GPR180: variants seen among roughly 807,000 people sequenced by gnomAD.
GPR180 encodes integral membrane protein GPR180.
A neutral mutation model predicts 52.6 loss-of-function variants in GPR180; 53 were observed. The observed-to-expected ratio is 1.01, with a 90% confidence interval of 0.81 to 1.27. The LOEUF (loss-of-function observed/expected upper bound fraction) is 1.27. Ranked by LOEUF, GPR180 falls within the 50% of genes most tolerant of loss-of-function variation. The pLI is 0.00. For synonymous variants in GPR180, 200 were observed against 193.1 expected, an observed-to-expected ratio of 1.04 and a Z score of -0.30; for missense variants, 533 against 527.0, an observed-to-expected ratio of 1.01 and a Z score of -0.11.
chr13:94,625,407 A>T (rs1314418614), intron 7 of GPR180, among the ~76,000 whole-genome samples: 2 of 152,126 alleles, frequency 1.3e-5, no homozygotes, highest in Non-Finnish European at 2.9e-5. Flanking sequence ...ACAGCTATTT[A>T]TTAACTTATT....
intron 6 of GPR180, among the ~76,000 whole-genome samples, chr13:94,622,673 A>G (rs1566982005): frequency 1.3e-5 from 2 of 152,238 alleles, no homozygotes; most frequent in Non-Finnish European, 2.9e-5. Flanking sequence ...TCCTGGGTTC[A>G]AGTGATTCTC....
rs545732498 is a variant in GPR180, at chr13:94,632,299, C to G, written c.*5128C>G. 2 of 152,326 alleles carry G rather than the reference C, an allele frequency of 1.3e-5. No homozygotes were observed. Among genetic ancestry groups the G allele is most frequent in the Admixed American group, 1.3e-4 (2 of 15,298 alleles). 9.4% of individuals were successfully genotyped at this position (152,326 alleles called of 1,614,324 possible). On this transcript the variant is annotated 3_prime_UTR_variant, in exon 9 of 9. Coordinates refer to ENST00000376958, the MANE Select transcript of GPR180 (RefSeq NM_180989.6). ...AAAGGTGGGGAAAAGAAGTCCTTCT[C>G]TCACTCATTTCCCTTCCCTGAATCC...
In GPR180 at chr13:94,606,836, A is replaced by G. The variant is rs115634811; in HGVS notation, c.304+1287A>G. Among the ~76,000 whole-genome samples, 435 of 152,358 alleles carry G rather than the reference A, an allele frequency of 2.9e-3. 2 individuals are homozygous for G. The highest frequency in any genetic ancestry group is 9.5e-3 in the African/African-American group (397 of 41,580). On this transcript the variant is annotated intron_variant, in intron 2 of 8. Transcript: ENST00000376958. Reference sequence around the variant, plus strand: ...TGATATTGTGAGAAGATAGTATCCTAAAGATGAATGACAATTACATACAAT... The same window carrying G: ...TGATATTGTGAGAAGATAGTATCCTGAAGATGAATGACAATTACATACAAT...
chr13:94,606,113 G>C (rs1290404261), intron 2 of GPR180, among the ~76,000 whole-genome samples: 1 of 152,180 alleles, frequency 6.6e-6, no homozygotes, highest in Non-Finnish European at 1.5e-5. Context: ...CCAACATGGT[G>C]AAACCCCGTC....
chr13:94,609,489 T>A (rs1295925789), intron 2 of GPR180, among the ~76,000 whole-genome samples: 1 of 152,174 alleles, frequency 6.6e-6, no homozygotes, highest in African/African-American at 2.4e-5. Flanking sequence ...TCCACATAAT[T>A]TAAAATGAAA....
chr13:94,619,555 C>T (rs746505718), intron 5 of GPR180, 38 bp downstream of exon 5: 3 of 1,495,830 alleles, frequency 2.0e-6, no homozygotes, highest in African/African-American at 2.8e-5. Flanking sequence ...AAAGCTTTTA[C>T]ACTCGCTATC....
Position 94,623,401 on chromosome 13 carries a change from C to T in GPR180, c.1086+101C>T. On this transcript the variant is annotated intron_variant, in intron 7 of 8. Transcript: ENST00000376958. ...CTACATGCTAACTTTTATTAAACTTCTGGGTTGGGCACAGTGGCTCACTCC... is the reference window on the plus strand; with the variant it reads ...CTACATGCTAACTTTTATTAAACTTTTGGGTTGGGCACAGTGGCTCACTCC... 8 of 927,842 alleles carry T rather than the reference C, an allele frequency of 8.6e-6. 1 individual carries two copies. The highest frequency in any genetic ancestry group is 5.0e-5 in the African/African-American group (3 of 60,136). 57.5% of individuals were successfully genotyped at this position (927,842 alleles called of 1,614,324 possible). A position where few individuals can be genotyped will look rare whatever the true frequency, so the allele number is the denominator to read the frequency against.
In GPR180 at chr13:94,627,072, C is replaced by G. The variant is rs867570652; in HGVS notation, c.1224C>G (p.Leu408=). 1.9e-6 allele frequency: 3 copies of G among 1,610,986 alleles called. No homozygotes were observed. Among genetic ancestry groups the G allele is most frequent in the Non-Finnish European group, 2.5e-6 (3 of 1,177,594 alleles). ...TTTCCATGGTTATTCTCTACAGACTCTTTCTGTCTCACAGTCTATACTGGG... is the reference window on the plus strand; with the variant it reads ...TTTCCATGGTTATTCTCTACAGACTGTTTCTGTCTCACAGTCTATACTGGG... The part of the protein sequence containing the change: ...QSVSMVILYR[L]FLSHSLYWEV... Residue 408 remains leucine, a synonymous_variant, in exon 9 of 9, where the codon CTC becomes CTG. Transcript: ENST00000376958.
Position 94,632,364 on chromosome 13 carries a change from G to A in GPR180, c.*5193G>A, listed in dbSNP as rs1421973045. ...GTTATCTTTCTAGAAATGGCCCCAT[G>A]CACATATAAACATATATGAAACACA... On this transcript the variant is annotated 3_prime_UTR_variant, in exon 9 of 9. Transcript: ENST00000376958. 2.0e-5 allele frequency: 3 copies of A among 152,098 alleles called. No homozygotes were observed. Among genetic ancestry groups the A allele is most frequent in the Non-Finnish European group, 4.4e-5 (3 of 68,022 alleles). The allele number at this position is 152,098 out of a possible 1,614,324, so 9.4% of individuals were successfully genotyped here.
intron 3 of GPR180, among the ~76,000 whole-genome samples, chr13:94,613,795 GA>G (rs1407122219): frequency 6.6e-6 from 1 of 151,406 alleles, no homozygotes; most frequent in Non-Finnish European, 1.5e-5. Context: ...CTGTATTTTG[GA>G]AAGGCATTGA....
chr13:94,612,342 C>G lies in GPR180; in HGVS notation c.457C>G (p.Pro153Ala). The change falls in exon 3 of 9, where the codon CCA (proline) becomes GCA (alanine). Residue 153 changes from proline to alanine, a missense_variant. By Grantham distance (27) the Pro-to-Ala change is conservative. Transcript: ENST00000376958. The part of the protein sequence containing the change: ...DIPFEMVLLN[P>A]DAEGNPFDHF... The stretch of plus-strand genomic sequence containing the variant: ...CCCATTTGAAATGGTGTTACTAAAC[C>G]CAGATGCCGAAGGGAATCCATTTGA... 1 of 1,613,594 alleles carries G rather than the reference C, an allele frequency of 6.2e-7. No individual in the cohort carries two copies. Among genetic ancestry groups the G allele is most frequent in the Non-Finnish European group, 8.5e-7 (1 of 1,179,598 alleles).
intron 2 of GPR180, among the ~76,000 whole-genome samples, chr13:94,609,528 G>T (rs1001417146): frequency 2.6e-5 from 4 of 151,906 alleles, no homozygotes; most frequent in African/African-American, 9.7e-5. Flanking sequence ...AAAAGTGTGG[G>T]TTTTTTTTAT....
intron 3 of GPR180, among the ~76,000 whole-genome samples, chr13:94,614,065 G>A (rs563211095): frequency 6.6e-6 from 1 of 152,054 alleles, no homozygotes; most frequent in South Asian, 2.1e-4. Context: ...TTTTAGTAGA[G>A]ACGAGGTTCC....
intron 3 of GPR180, among the ~76,000 whole-genome samples, chr13:94,613,053 A>G (rs1466711779): frequency 6.6e-6 from 1 of 152,182 alleles, no homozygotes; most frequent in Non-Finnish European, 1.5e-5. Flanking sequence ...GAAATGAATG[A>G]CTTCTTATGA....
intron 7 of GPR180, among the ~76,000 whole-genome samples, chr13:94,625,689 T>G (rs912314288): frequency 1.3e-5 from 2 of 152,220 alleles, no homozygotes; most frequent in Non-Finnish European, 2.9e-5. Flanking sequence ...CTTAATAATT[T>G]GTTACTTATA....
intron 2 of GPR180, among the ~76,000 whole-genome samples, chr13:94,609,006 T>C (rs1384495771): frequency 6.6e-6 from 1 of 152,230 alleles, no homozygotes. Flanking sequence ...TTGAAAGCAC[T>C]GAAAATGATG....
rs139988296 is a variant in GPR180 at position 94,623,140 on chromosome 13, A to G, written c.926A>G (p.Asp309Gly). ...TTGCTACTTTGGGAACAGTTTGAAG[A>G]TATCAGTCATCATAGCTACCATTCA... is the stretch of plus-strand genomic sequence containing the variant. ...SVLLLWEQFEDISHHSYHSHH... is the reference protein window; with the variant it reads ...SVLLLWEQFEGISHHSYHSHH... The change falls in exon 7 of 9, where the codon GAT becomes GGT. Residue 309 changes from aspartate (D) to glycine (G), a missense_variant. By Grantham distance (94) the Asp-to-Gly change is moderately conservative. Coordinates refer to ENST00000376958, the MANE Select transcript of GPR180 (RefSeq NM_180989.6). The G allele has an allele frequency of 4.5e-3, 7,275 of 1,613,652 alleles. 28 individuals carry two copies. The highest frequency in any genetic ancestry group is 5.3e-3 in the Non-Finnish European group (6,272 of 1,179,792).
intron 2 of GPR180, among the ~76,000 whole-genome samples, chr13:94,611,653 G>A (rs575355826): frequency 2.6e-5 from 4 of 152,042 alleles, no homozygotes; most frequent in Admixed American, 2.6e-4. Context: ...ATCATTGGTA[G>A]CCTAGCTGTA....
intron 3 of GPR180, among the ~76,000 whole-genome samples, chr13:94,614,990 CTACAT>C (rs1223258417): frequency 6.6e-6 from 1 of 152,180 alleles, no homozygotes; most frequent in Non-Finnish European, 1.5e-5. Context: ...GTGAATAACT[CTACAT>C]TGAAGTATCA....
Sources: gnomAD v4.1 joint callset for allele counts (sites outside exome capture counted in the v4.1 genomes callset) on GRCh38, gnomAD v4.1.1 for gene constraint, MANE v1.5 for transcripts, NCBI Gene and HGNC (gene_info 2026-07-23, HGNC 2026-07-21) for gene names.